GKAP1: variants seen among roughly 807,000 people sequenced by gnomAD.
The protein encoded by GKAP1 is G kinase-anchoring protein 1.
GKAP1 carries 31 observed loss-of-function variants against 56.7 expected under a neutral mutation model. That is an observed-to-expected ratio of 0.55 (90% CI 0.41 to 0.74). The LOEUF (loss-of-function observed/expected upper bound fraction) is 0.74, where lower values mean the gene tolerates loss of function less well. Among genes scored for constraint, GKAP1 ranks in the 30% least tolerant of loss-of-function variants. GKAP1 has a pLI of 0.00. For synonymous variants in GKAP1, 151 were observed against 138.6 expected (o/e 1.09, Z -0.63); for missense variants, 364 against 402.3 (o/e 0.90, Z 0.82).
chr9:83,744,697 T>C (rs1345025665), intron 10 of GKAP1, among the ~76,000 whole-genome samples: 1 of 152,212 alleles, frequency 6.6e-6, no homozygotes, highest in Non-Finnish European at 1.5e-5. Flanking sequence ...TTTTGTTTCT[T>C]TGAGACAGGT....
At chr9:83,800,106 T>C (rs1031185162) in intron 3 of GKAP1, among the ~76,000 whole-genome samples, 1 of 152,166 alleles carries the variant, frequency 6.6e-6, no homozygotes, top group African/African-American at 2.4e-5. Context: ...GTCCACAAAG[T>C]AACATAATCA....
chr9:83,804,027 G>A (rs1285768664), intron 3 of GKAP1, among the ~76,000 whole-genome samples: 7 of 146,784 alleles, frequency 4.8e-5, no homozygotes, highest in African/African-American at 7.7e-5. Context: ...CATCCGCCCC[G>A]TCTGAGAAGT....
chr9:83,774,912 T>C (rs1943830437), intron 7 of GKAP1, among the ~76,000 whole-genome samples: 1 of 151,666 alleles, frequency 6.6e-6, no homozygotes, highest in African/African-American at 2.4e-5. Flanking sequence ...TTTCATCATG[T>C]TGGCCAGGAC....
At chr9:83,795,590 T>TTTTA (rs1267463034) in intron 4 of GKAP1, among the ~76,000 whole-genome samples, 1 of 133,188 alleles carries the variant, frequency 7.5e-6, no homozygotes, top group Admixed American at 7.1e-5. Flanking sequence ...GAGAGTGTCT[T>TTTTA]TTTTTTTTTT....
intron 4 of GKAP1, among the ~76,000 whole-genome samples, chr9:83,789,770 C>G (rs955032424): frequency 9.9e-6 from 1 of 100,884 alleles, no homozygotes; most frequent in Non-Finnish European, 2.3e-5. Context: ...AAAGGAAAAG[C>G]AGGTGGGTTT....
chr9:83,813,151 T>G (rs1363705540), intron 2 of GKAP1, among the ~76,000 whole-genome samples: 3 of 152,202 alleles, frequency 2.0e-5, no homozygotes, highest in African/African-American at 7.2e-5. Context: ...ATAAATAGAT[T>G]CAAACACAGC....
chr9:83,773,271 A>T (rs1202480872), intron 7 of GKAP1, among the ~76,000 whole-genome samples: 1 of 152,220 alleles, frequency 6.6e-6, no homozygotes, highest in African/African-American at 2.4e-5. Flanking sequence ...GAAGCCAAAC[A>T]CAAAGACTAT....
chr9:83,792,894 A>G, intron 4 of GKAP1: 1 of 465,034 alleles, frequency 2.2e-6, no homozygotes, highest in Non-Finnish European at 3.0e-6. Flanking sequence ...GAGGAAAGGA[A>G]GAAAAAGAGG....
chr9:83,742,771 TTTTG>T (rs1481806835), intron 10 of GKAP1, among the ~76,000 whole-genome samples, 171 bp from the exon 11 acceptor site: 3 of 152,248 alleles, frequency 2.0e-5, no homozygotes, highest in Admixed American at 6.5e-5. Flanking sequence ...GTAAATTCTT[TTTTG>T]TTTGTTTGTT....
At chr9:83,785,516 A>T (rs1308723025) in intron 5 of GKAP1, among the ~76,000 whole-genome samples, 1 of 152,008 alleles carries the variant, frequency 6.6e-6, no homozygotes, top group Non-Finnish European at 1.5e-5. Flanking sequence ...TCCCCACTCG[A>T]TCCTTTATGA....
chr9:83,768,730 A>T, intron 8 of GKAP1, 88 bp downstream of exon 8: 1 of 1,094,200 alleles, frequency 9.1e-7, no homozygotes, highest in Non-Finnish European at 1.3e-6. Context: ...ATACAATCAT[A>T]ATTTGATTCT....
chr9:83,757,873 T>G (rs1270296823), intron 8 of GKAP1, among the ~76,000 whole-genome samples: 4 of 149,978 alleles, frequency 2.7e-5, no homozygotes, highest in Non-Finnish European at 5.9e-5. Context: ...AATCTGGATA[T>G]CTAGATAAAA....
In GKAP1 at chr9:83,817,707, G is replaced by C. The variant is rs1381227656; in HGVS notation, c.-366C>G. ...AGGCTGGGCACTAACGGGTCCCGGG[G>C]CGCCGGGGCGGACCGCGGAGGTGAG... On this transcript the variant is annotated 5_prime_UTR_variant, in exon 1 of 13. Coordinates refer to ENST00000376371, the MANE Select transcript of GKAP1 (RefSeq NM_025211.4). 6.6e-6 allele frequency: 1 copy of C among 151,954 alleles called. No homozygotes were observed. The highest frequency in any genetic ancestry group is 1.5e-5 in the Non-Finnish European group (1 of 68,368). The allele number at this position is 151,954 out of a possible 1,614,324, so 9.4% of individuals were successfully genotyped here.
intron 8 of GKAP1, among the ~76,000 whole-genome samples, chr9:83,755,592 A>G (rs1162086463): frequency 6.6e-6 from 1 of 152,012 alleles, no homozygotes; most frequent in East Asian, 1.9e-4. Flanking sequence ...AGCCCTTCTG[A>G]AATTGACATC....
intron 7 of GKAP1, among the ~76,000 whole-genome samples, chr9:83,776,662 T>C (rs766296460): frequency 5.9e-5 from 9 of 152,114 alleles, no homozygotes; most frequent in East Asian, 1.9e-4. Flanking sequence ...CTTGGCAAGA[T>C]AGCGAGACTC....
intron 3 of GKAP1, among the ~76,000 whole-genome samples, chr9:83,804,766 G>A (rs1944408094): frequency 6.7e-6 from 1 of 148,496 alleles, no homozygotes; most frequent in Admixed American, 6.6e-5. Context: ...CGGGAGGTGA[G>A]GGGCGCCTCT....
intron 7 of GKAP1, among the ~76,000 whole-genome samples, chr9:83,774,633 A>T (rs1387025712): frequency 6.7e-6 from 1 of 149,330 alleles, no homozygotes; most frequent in African/African-American, 2.4e-5. Context: ...ACAAAAACTG[A>T]CAAACGGGAC....
At chr9:83,760,886 T>C (rs1039841003) in intron 8 of GKAP1, among the ~76,000 whole-genome samples, 1 of 151,986 alleles carries the variant, frequency 6.6e-6, no homozygotes, top group Non-Finnish European at 1.5e-5. Flanking sequence ...GGGAAAGTTA[T>C]AGCTATAAGT....
chr9:83,806,209 G>A (rs1944437398), intron 3 of GKAP1, 93 bp downstream of exon 3: 1 of 739,502 alleles, frequency 1.4e-6, no homozygotes, highest in Non-Finnish European at 2.2e-6. Flanking sequence ...CTGTGGAACA[G>A]GTACTATGGA....
Sources: allele counts gnomAD v4.1 joint callset (sites outside exome capture counted in the v4.1 genomes callset), GRCh38; gene constraint gnomAD v4.1.1; transcripts MANE v1.5; gene names NCBI Gene and HGNC (gene_info 2026-07-23, HGNC 2026-07-21).